Variants in FAM120B observed in about 807,000 individuals in gnomAD.
FAM120B encodes the protein family with sequence similarity 120 member B.
In FAM120B, 83 loss-of-function variants were observed where a neutral mutation model predicts 96.3. That is an observed-to-expected ratio of 0.86 (90% CI 0.72 to 1.03). FAM120B has a LOEUF of 1.03. Among genes scored for constraint, FAM120B ranks in the 50% least tolerant of loss-of-function variants. The pLI is 0.00. For missense variants in FAM120B, 1,027 were observed against 1,121.2 expected, an observed-to-expected ratio of 0.92 and a Z score of 1.20; for synonymous variants, 407 against 402.7, an observed-to-expected ratio of 1.01 and a Z score of -0.13.
upstream of FAM120B, among the ~76,000 whole-genome samples, chr6:170,306,187 C>T (rs1436025998): frequency 6.6e-6 from 1 of 152,352 alleles, no homozygotes; most frequent in South Asian, 2.1e-4. Flanking sequence ...GTGCTCAGCG[C>T]TGACTGGGGC....
chr6:170,364,059 T>C (rs1387887169), intron 6 of FAM120B, among the ~76,000 whole-genome samples: 1 of 152,134 alleles, frequency 6.6e-6, no homozygotes, highest in African/African-American at 2.4e-5. Context: ...AAAATGTGTT[T>C]TGTTTTTTTG....
At chr6:170,348,998 G>A (rs1316984881) in intron 5 of FAM120B, among the ~76,000 whole-genome samples, 1 of 152,126 alleles carries the variant, frequency 6.6e-6, no homozygotes, top group Non-Finnish European at 1.5e-5. Context: ...AGCTTTATAT[G>A]TAGTTTATAT....
chr6:170,398,235 G>C (rs1194648297), intron 9 of FAM120B, among the ~76,000 whole-genome samples: 1 of 152,268 alleles, frequency 6.6e-6, no homozygotes, highest in Middle Eastern at 3.2e-3. Context: ...GTCCTTTCTA[G>C]CTCTGGAATT....
At chr6:170,400,494 T>C (rs1009443612) in intron 9 of FAM120B, among the ~76,000 whole-genome samples, 2 of 152,128 alleles carry the variant, frequency 1.3e-5, no homozygotes, top group African/African-American at 4.8e-5. Flanking sequence ...AGGCTGACTT[T>C]GTCTCAAGCG....
chr6:170,402,295 A>G (rs924521428), intron 9 of FAM120B, among the ~76,000 whole-genome samples: 2 of 152,266 alleles, frequency 1.3e-5, no homozygotes, highest in East Asian at 1.9e-4. Flanking sequence ...CATTTTGCCA[A>G]GCTTTCCATA....
chr6:170,348,207 C>T lies in FAM120B; in HGVS notation c.2074C>T (p.Arg692Trp), dbSNP rs760003891. Reference protein sequence around the residue: ...WLNQEPEIQVRRLDTLLACFN... With the variant: ...WLNQEPEIQVWRLDTLLACFN... ...GAACCAAGAGCCAGAAATACAGGTTCGGCGCTTGGACACACTCCTAGCCTG... is the reference window on the plus strand; with the variant it reads ...GAACCAAGAGCCAGAAATACAGGTTTGGCGCTTGGACACACTCCTAGCCTG... The change falls in exon 5 of 11, where the codon CGG becomes TGG. Residue 692 changes from arginine (R) to tryptophan (W), a missense_variant. Around this residue, in one of 3 missense-constraint regions of FAM120B, gnomAD observed 880 missense variants for 980.9 expected, o/e 0.90. Coordinates refer to ENST00000476287, the MANE Select transcript of FAM120B (RefSeq NM_032448.3). 9.9e-6 allele frequency: 16 copies of T among 1,613,892 alleles called. No individual in the cohort carries two copies. The highest frequency in any genetic ancestry group is 5.5e-5 in the South Asian group (5 of 91,078).
Position 170,295,713 on chromosome 6 carries a change from T to G in FAM120B, c.48+260T>G, listed in dbSNP as rs1401662976. ...GTCCCGGCGCCACACGCCCTTTTCC[T>G]TTCTCAGGATCCGCGGCCGTGCAGA... On this transcript the variant is annotated intron_variant, in intron 1 of 10. Coordinates refer to the FAM120B transcript ENST00000537664. This position sits in a 1 kb window ranked among gnomAD's most constrained non-coding sequence, Gnocchi z 7.8. Among the ~76,000 whole-genome samples the G allele has an allele frequency of 6.6e-6, 1 of 152,018 alleles. No homozygotes were observed. The highest frequency in any genetic ancestry group is 2.4e-5 in the African/African-American group (1 of 41,406).
chr6:170,352,594 C>T (rs1787650767), intron 5 of FAM120B, among the ~76,000 whole-genome samples: 1 of 152,170 alleles, frequency 6.6e-6, no homozygotes, highest in Non-Finnish European at 1.5e-5. Context: ...GACCACAGAG[C>T]AGTCATATTT....
At chr6:170,321,002 G>A (rs532061001) in intron 2 of FAM120B, among the ~76,000 whole-genome samples, 1 of 152,230 alleles carries the variant, frequency 6.6e-6, no homozygotes, top group African/African-American at 2.4e-5. Context: ...CACAGGGTTG[G>A]GAGTGGAGGC....
chr6:170,381,221 T>C (rs1017764830), intron 6 of FAM120B, among the ~76,000 whole-genome samples: 16 of 152,184 alleles, frequency 1.1e-4, no homozygotes, highest in Admixed American at 9.8e-4. Context: ...GATATTACTA[T>C]AGACCCTTCT....
intron 1 of FAM120B, among the ~76,000 whole-genome samples, chr6:170,307,948 G>A (rs915648949): frequency 1.3e-5 from 2 of 152,178 alleles, no homozygotes; most frequent in African/African-American, 4.8e-5. Flanking sequence ...GGAGCAGCAG[G>A]GTCCTAACCA....
At position 170,348,299 on chromosome 6, in the gene FAM120B, C is replaced by T; in HGVS notation, c.2166C>T (p.Cys722=). The change falls in exon 5 of 11, where the codon TGC becomes TGT. Residue 722 remains cysteine, a synonymous_variant. Coordinates refer to ENST00000476287, the MANE Select transcript of FAM120B (RefSeq NM_032448.3). The part of the protein sequence containing the change: ...AVESPFQALC[C]LLIYLFVQVD... ...AAAGCCCATTTCAAGCTTTGTGCTG[C>T]CTCTTGATCTACCTCTTTGTCCAGG... 1 of 1,613,298 alleles carries T rather than the reference C, an allele frequency of 6.2e-7. No homozygotes were observed. The highest frequency in any genetic ancestry group is 8.5e-7 in the Non-Finnish European group (1 of 1,179,848).
intron 6 of FAM120B, among the ~76,000 whole-genome samples, chr6:170,361,578 T>C (rs1490728611): frequency 6.6e-6 from 1 of 152,080 alleles, no homozygotes; most frequent in African/African-American, 2.4e-5. Context: ...TTGTTTTCCC[T>C]TTGTAGTTAG....
intron 5 of FAM120B, among the ~76,000 whole-genome samples, chr6:170,357,033 G>A (rs564478290): frequency 1.3e-5 from 2 of 152,264 alleles, no homozygotes; most frequent in East Asian, 1.9e-4. Context: ...GGGAGCACAG[G>A]AGTCTTTCTG....
At chr6:170,367,901 A>G (rs1788902859) in intron 6 of FAM120B, among the ~76,000 whole-genome samples, 1 of 152,186 alleles carries the variant, frequency 6.6e-6, no homozygotes, top group Non-Finnish European at 1.5e-5. Context: ...TCGCCATGAT[A>G]AAACCTGGAT....
At chr6:170,399,086 G>A (rs1778382583) in intron 9 of FAM120B, among the ~76,000 whole-genome samples, 1 of 147,626 alleles carries the variant, frequency 6.8e-6, no homozygotes, top group African/African-American at 2.6e-5. Context: ...TAACTCTTAG[G>A]AGTGAGTGGG....
At chr6:170,360,086 CAA>C (rs1788240508) in intron 6 of FAM120B, among the ~76,000 whole-genome samples, 1 of 152,124 alleles carries the variant, frequency 6.6e-6, no homozygotes, top group South Asian at 2.1e-4. Context: ...AATTAAACAA[CAA>C]GACAGAAGTA....
At chr6:170,401,059 C>T (rs964889789) in intron 9 of FAM120B, among the ~76,000 whole-genome samples, 1 of 152,228 alleles carries the variant, frequency 6.6e-6, no homozygotes, top group African/African-American at 2.4e-5. Flanking sequence ...AGAAATTTCT[C>T]ATCCTCATGC....
At chr6:170,302,167 G>A (rs1286474777), upstream of FAM120B, among the ~76,000 whole-genome samples, 2 of 152,182 alleles carry the variant, frequency 1.3e-5, no homozygotes, top group East Asian at 1.9e-4. Flanking sequence ...GGTTAGGGAG[G>A]CCTCAGGAAA....
Sources: gnomAD v4.1 joint callset for allele counts (sites outside exome capture counted in the v4.1 genomes callset) on GRCh38, gnomAD v4.1.1 for gene constraint, gnomAD v4.1.1 regional missense constraint, Gnocchi (gnomAD v3.1) non-coding constraint, MANE v1.5 for transcripts, NCBI Gene and HGNC (gene_info 2026-07-23, HGNC 2026-07-21) for gene names.